RANBP17: variants seen among roughly 807,000 people sequenced by gnomAD.
RANBP17 encodes ran-binding protein 17.
A neutral mutation model predicts 141.2 loss-of-function variants in RANBP17; 158 were observed. The observed-to-expected ratio is 1.12, with a 90% CI of 0.98 to 1.28. The LOEUF (loss-of-function observed/expected upper bound fraction) is 1.28, where lower values mean the gene tolerates loss of function less well. Among genes scored for constraint, RANBP17 ranks in the 50% most tolerant of loss-of-function variants. The pLI, the probability that RANBP17 is intolerant of heterozygous loss-of-function variation, is 0.00. For missense variants in RANBP17, 1,438 were observed against 1,290.7 expected (o/e 1.11, Z -1.75); for synonymous variants, 430 against 450.0 (o/e 0.96, Z 0.56).
chr5:171,133,133 C>T (rs1287799071), intron 14 of RANBP17, among the ~76,000 whole-genome samples: 2 of 152,182 alleles, frequency 1.3e-5, no homozygotes, highest in Non-Finnish European at 2.9e-5. Flanking sequence ...ATCCACCCAC[C>T]TCAGCCTCCC....
Position 170,914,193 on chromosome 5 carries a change from C to A in RANBP17, c.787C>A (p.Leu263Ile). Residue 263 changes from leucine (L) to isoleucine (I), a missense_variant, in exon 8 of 28, where the codon CTT (leucine) becomes ATT (isoleucine). By Grantham distance (5) the Leu-to-Ile change is conservative. Coordinates refer to ENST00000523189, the MANE Select transcript of RANBP17 (RefSeq NM_022897.5). ...TTTCCTGGAACCAGAAACATTGGAT[C>A]TTTTCTTCAATTTGTATCATTCACT... is the stretch of plus-strand genomic sequence containing the variant. ...TIFLEPETLD[L>I]FFNLYHSLPP... is the part of the protein sequence containing the mutation. 1 of 1,609,338 alleles carries A rather than the reference C, an allele frequency of 6.2e-7. No homozygotes were observed. The highest frequency in any genetic ancestry group is 8.5e-7 in the Non-Finnish European group (1 of 1,176,324).
intron 2 of RANBP17, among the ~76,000 whole-genome samples, chr5:170,879,408 A>T (rs1423999495): frequency 1.3e-5 from 2 of 152,260 alleles, no homozygotes; most frequent in Admixed American, 1.3e-4. Flanking sequence ...TTGCATCAAG[A>T]TCTGAAGCTG....
At chr5:170,959,918 T>G (rs1561932743) in intron 13 of RANBP17, among the ~76,000 whole-genome samples, 1 of 152,188 alleles carries the variant, frequency 6.6e-6, no homozygotes, top group Non-Finnish European at 1.5e-5. Context: ...AATTTGCATA[T>G]AAGTGGACCT....
At chr5:170,919,658 T>G (rs930378409) in intron 11 of RANBP17, 45 bp downstream of exon 11, 111 of 1,423,618 alleles carry the variant, frequency 7.8e-5, no homozygotes, top group Non-Finnish European at 9.8e-5. Flanking sequence ...TTTTGACACT[T>G]GGAATTTTTT....
intron 11 of RANBP17, 120 bp from the exon 12 acceptor site, chr5:170,924,237 C>T (rs1165353521): frequency 9.4e-6 from 6 of 635,432 alleles, no homozygotes; most frequent in South Asian, 3.5e-5. Flanking sequence ...CCAAGTGAAC[C>T]TCCTGCCTCT....
intron 7 of RANBP17, 44 bp from the exon 8 acceptor site, chr5:170,914,123 C>G (rs769096215): frequency 7.9e-7 from 1 of 1,272,122 alleles, no homozygotes; most frequent in South Asian, 1.2e-5. Context: ...GTTAAGATCA[C>G]TGAATTGAAA....
intron 25 of RANBP17, among the ~76,000 whole-genome samples, chr5:171,290,309 A>G (rs1768413015): frequency 6.6e-6 from 1 of 151,864 alleles, no homozygotes; most frequent in African/African-American, 2.4e-5. Flanking sequence ...GCGGAGGTGC[A>G]GTGAGCTGAG....
intron 3 of RANBP17, among the ~76,000 whole-genome samples, chr5:170,886,113 A>G (rs1045449472): frequency 2.0e-5 from 3 of 152,038 alleles, no homozygotes; most frequent in African/African-American, 7.3e-5. Context: ...AGTGTTGACA[A>G]TCCTTTTTAT....
intron 3 of RANBP17, among the ~76,000 whole-genome samples, chr5:170,889,835 T>C (rs1272198172): frequency 6.6e-6 from 1 of 152,186 alleles, no homozygotes; most frequent in South Asian, 2.1e-4. Flanking sequence ...TCTCTATTAA[T>C]TGTACCAGTG....
chr5:171,146,183 A>C, intron 14 of RANBP17, among the ~76,000 whole-genome samples: 1 of 152,212 alleles, frequency 6.6e-6, no homozygotes, highest in East Asian at 1.9e-4. Context: ...GACCTAATTT[A>C]TCTTCTATGC....
chr5:171,201,462 C>T (rs2127955698), intron 19 of RANBP17, among the ~76,000 whole-genome samples: 1 of 152,342 alleles, frequency 6.6e-6, no homozygotes, highest in East Asian at 1.9e-4. Context: ...TGCCACGAAC[C>T]AAGGCCACAC....
At chr5:170,883,319 T>G (rs1301329157) in intron 3 of RANBP17, among the ~76,000 whole-genome samples, 1 of 152,196 alleles carries the variant, frequency 6.6e-6, no homozygotes, top group Non-Finnish European at 1.5e-5. Context: ...ACAGCAAAAT[T>G]GAGCACAAAG....
At chr5:171,024,814 G>A (rs1281779682) in intron 14 of RANBP17, among the ~76,000 whole-genome samples, 1 of 150,818 alleles carries the variant, frequency 6.6e-6, no homozygotes, top group African/African-American at 2.4e-5. Context: ...TTCTTAAATA[G>A]CATCATGCAC....
At chr5:171,233,537 C>A (rs1196759753) in intron 22 of RANBP17, among the ~76,000 whole-genome samples, 5 of 151,844 alleles carry the variant, frequency 3.3e-5, no homozygotes, top group Non-Finnish European at 7.4e-5. Context: ...TACACCCAGA[C>A]AATGGAATGT....
At position 171,221,500 on chromosome 5, in the gene RANBP17, G is replaced by T. The variant is rs575378302; in HGVS notation, c.2340-258G>T. 5.3e-5 allele frequency among the ~76,000 whole-genome samples: 8 copies of T among 152,238 alleles called. No individual in the cohort carries two copies. The South Asian group carries it at 1.7e-3, about 32-fold the overall frequency. ...AGAAATCTGTGATAAAGAATGTCAG[G>T]ATATTGTTTTGACAGATAAAAAATG... On this transcript the variant is annotated intron_variant, in intron 21 of 27. Transcript: ENST00000523189.
In RANBP17 at chr5:171,029,945, A is replaced by C. The variant is rs557020452; in HGVS notation, c.1710+61568A>C. Reference sequence around the variant, plus strand: ...ATTGTGTGCATTTGGTTGTGAAAAAAACAGAAGTAGTACTTTAATATACCT... The same window carrying C: ...ATTGTGTGCATTTGGTTGTGAAAAACACAGAAGTAGTACTTTAATATACCT... On this transcript the variant is annotated intron_variant, in intron 14 of 27. Transcript: ENST00000523189. Among the ~76,000 whole-genome samples, 553 of 152,122 alleles carry C rather than the reference A, an allele frequency of 3.6e-3. 3 individuals carry two copies. Among genetic ancestry groups the C allele is most frequent in the African/African-American group, 0.012 (515 of 41,538 alleles).
rs570815678 is a variant in RANBP17 at position 171,193,356 on chromosome 5, A to AT, written c.2039-6310dup. On this transcript the variant is annotated intron_variant, in intron 18 of 27. Coordinates refer to ENST00000523189, the MANE Select transcript of RANBP17 (RefSeq NM_022897.5). ...TTAATTGGTATTTACTTTGAAATGC[A>AT]TTTTGGTTTCTACTCAGTGATTTGC... is the stretch of plus-strand genomic sequence containing the variant. Among the ~76,000 whole-genome samples the AT allele has an allele frequency of 1.3e-3, 196 of 150,020 alleles. 9 individuals are homozygous for AT. The South Asian group carries it at 0.041, about 31-fold the overall frequency.
chr5:171,204,582 A>C (rs1762467401), intron 19 of RANBP17, among the ~76,000 whole-genome samples: 1 of 151,962 alleles, frequency 6.6e-6, no homozygotes, highest in South Asian at 2.1e-4. Context: ...CAATTATCGC[A>C]CCCCCTTGTT....
chr5:170,952,519 G>A (rs930135317), intron 12 of RANBP17, among the ~76,000 whole-genome samples: 1 of 152,010 alleles, frequency 6.6e-6, no homozygotes, highest in African/African-American at 2.4e-5. Flanking sequence ...ATTAATTGTA[G>A]TATAATAATG....
Sources: gnomAD v4.1 joint callset for allele counts (sites outside exome capture counted in the v4.1 genomes callset) on GRCh38, gnomAD v4.1.1 for gene constraint, MANE v1.5 for transcripts, NCBI Gene and HGNC (gene_info 2026-07-23, HGNC 2026-07-21) for gene names.